Variants in APPBP2 observed in about 807,000 individuals in gnomAD.
APPBP2 encodes amyloid protein-binding protein 2.
APPBP2 carries 15 observed loss-of-function variants against 76.0 expected under a neutral mutation model. The ratio of observed to expected loss-of-function variants is 0.20; its 90% confidence interval spans 0.13 to 0.30. APPBP2 has a LOEUF of 0.30. APPBP2 is among the 10% of genes least tolerant of loss of function. The pLI is 1.00. For synonymous variants in APPBP2, 222 were observed against 242.2 expected (o/e 0.92, Z 0.77); for missense variants, 401 against 687.2 (o/e 0.58, Z 4.66).
rs960834209 is a variant in APPBP2 at position 60,516,402 on chromosome 17, G to C, written c.138+9392C>G. Among the ~76,000 whole-genome samples the C allele has an allele frequency of 2.0e-5, 3 of 152,164 alleles. No individual in the cohort carries two copies. The East Asian group carries it at 5.8e-4, about 29-fold the overall frequency. On this transcript the variant is annotated intron_variant, in intron 1 of 12. Coordinates refer to ENST00000083182, the MANE Select transcript of APPBP2 (RefSeq NM_006380.5). The stretch of plus-strand genomic sequence containing the variant: ...TTTGGATCTAACTACTTAATAAACA[G>C]AACTGTCAGGTATTTCTTTTGGCCT...
At chr17:60,489,303 ACAAAG>A (rs1276511924) in intron 3 of APPBP2, among the ~76,000 whole-genome samples, 5 of 151,148 alleles carry the variant, frequency 3.3e-5, no homozygotes, top group African/African-American at 1.2e-4. Context: ...TTTGGCTACT[ACAAAG>A]AATTATTCTA....
At chr17:60,482,050 T>C (rs987168988) in intron 3 of APPBP2, among the ~76,000 whole-genome samples, 2 of 152,060 alleles carry the variant, frequency 1.3e-5, no homozygotes, top group Non-Finnish European at 2.9e-5. Context: ...GCCCGGCTAA[T>C]TTTGTATTTT....
At chr17:60,510,894 T>G (rs1429552396) in intron 1 of APPBP2, among the ~76,000 whole-genome samples, 2 of 152,220 alleles carry the variant, frequency 1.3e-5, no homozygotes, top group Non-Finnish European at 2.9e-5. Flanking sequence ...TTAAATATGC[T>G]GTCCATTTAT....
intron 1 of APPBP2, among the ~76,000 whole-genome samples, chr17:60,506,511 C>T (rs1337861054): frequency 6.6e-6 from 1 of 152,232 alleles, no homozygotes; most frequent in African/African-American, 2.4e-5. Flanking sequence ...GAGCTCTTCC[C>T]CTGACTCAGC....
chr17:60,486,694 T>C (rs1029655269), intron 3 of APPBP2, among the ~76,000 whole-genome samples: 1 of 152,230 alleles, frequency 6.6e-6, no homozygotes, highest in African/African-American at 2.4e-5. Context: ...CCCATTTATA[T>C]TTAAGGTTAG....
At chr17:60,482,200 A>G (rs1028821602) in intron 3 of APPBP2, among the ~76,000 whole-genome samples, 6 of 152,194 alleles carry the variant, frequency 3.9e-5, no homozygotes, top group Admixed American at 2.0e-4. Context: ...CTTCGATTAA[A>G]AACTTAATTT....
At chr17:60,511,839 T>C (rs2090916021) in intron 1 of APPBP2, among the ~76,000 whole-genome samples, 2 of 151,988 alleles carry the variant, frequency 1.3e-5, no homozygotes, top group East Asian at 1.9e-4. Flanking sequence ...TGCAAGAGTT[T>C]TGAATATGCT....
intron 3 of APPBP2, among the ~76,000 whole-genome samples, chr17:60,491,906 G>A (rs2090732715): frequency 6.6e-6 from 1 of 152,192 alleles, no homozygotes; most frequent in South Asian, 2.1e-4. Context: ...CCAAGACAAT[G>A]GAGAAAATGT....
chr17:60,502,835 A>T lies in APPBP2; in HGVS notation c.139-2348T>A, dbSNP rs149010076. 2.6e-3 allele frequency among the ~76,000 whole-genome samples: 376 copies of T among 146,316 alleles called. 72 individuals carry two copies. The highest frequency in any genetic ancestry group is 0.01 in the African/African-American group (369 of 35,866). On this transcript the variant is annotated intron_variant, in intron 1 of 12. Transcript: ENST00000083182. ...CACTGCACTCCAGCCTGGGTGATGG[A>T]GCAAAACTCTGTCTCAAAAAAAACA... is the stretch of plus-strand genomic sequence containing the variant.
At chr17:60,491,106 G>A (rs2090725480) in intron 3 of APPBP2, among the ~76,000 whole-genome samples, 1 of 152,176 alleles carries the variant, frequency 6.6e-6, no homozygotes, top group Non-Finnish European at 1.5e-5. Context: ...ACAGAAAAAT[G>A]TAGGAAAAGT....
At chr17:60,488,473 G>C (rs965731581) in intron 3 of APPBP2, among the ~76,000 whole-genome samples, 22 of 152,204 alleles carry the variant, frequency 1.4e-4, no homozygotes, top group African/African-American at 5.3e-4. Flanking sequence ...AATCTATAGA[G>C]ACAGAAAGTA....
At chr17:60,451,122 T>C (rs1283148668) in intron 12 of APPBP2, among the ~76,000 whole-genome samples, 1 of 152,208 alleles carries the variant, frequency 6.6e-6, no homozygotes, top group Non-Finnish European at 1.5e-5. Flanking sequence ...ATGGCAGTGA[T>C]ACGCAACATC....
intron 2 of APPBP2, among the ~76,000 whole-genome samples, chr17:60,495,435 A>ATTT (rs2090766765): frequency 8.7e-6 from 1 of 114,312 alleles, no homozygotes; most frequent in Non-Finnish European, 1.6e-5. Flanking sequence ...TATTTTATTT[A>ATTT]TTTATTATTT....
chr17:60,483,279 G>T (rs927007447), intron 3 of APPBP2, among the ~76,000 whole-genome samples: 6 of 152,082 alleles, frequency 3.9e-5, no homozygotes, highest in Admixed American at 3.9e-4. Flanking sequence ...GGGGTTGTTT[G>T]ATTTTTTCTT....
chr17:60,515,618 CAACT>C (rs147779402), intron 1 of APPBP2, among the ~76,000 whole-genome samples: 105 of 152,318 alleles, frequency 6.9e-4, no homozygotes, highest in Non-Finnish European at 1.5e-3. Context: ...TAACTTTCAA[CAACT>C]AAATTTTGCC....
At position 60,494,629 on chromosome 17, in the gene APPBP2, G is replaced by A; in HGVS notation, c.228-12C>T. 1.3e-6 allele frequency: 2 copies of A among 1,568,226 alleles called. No individual in the cohort carries two copies. The highest frequency in any genetic ancestry group is 8.6e-7 in the Non-Finnish European group (1 of 1,167,194). ...GATGAAGCAAATGTCTGTAAGAAAA[G>A]AAAAAGATTATTTTATAGAGTTAAT... is the stretch of plus-strand genomic sequence containing the variant. On this transcript the variant is annotated splice_polypyrimidine_tract_variant and intron_variant, in intron 2 of 12. Coordinates refer to ENST00000083182, the MANE Select transcript of APPBP2 (RefSeq NM_006380.5).
At chr17:60,485,742 C>T (rs2143402062) in intron 3 of APPBP2, among the ~76,000 whole-genome samples, 1 of 152,266 alleles carries the variant, frequency 6.6e-6, no homozygotes, top group East Asian at 1.9e-4. Flanking sequence ...CTTCTGCTAG[C>T]TTTCGAACTT....
chr17:60,490,237 A>T (rs1257850860), intron 3 of APPBP2, among the ~76,000 whole-genome samples: 1 of 152,194 alleles, frequency 6.6e-6, no homozygotes, highest in Non-Finnish European at 1.5e-5. Context: ...AGTTAATGGT[A>T]TAACACCAGT....
intron 3 of APPBP2, among the ~76,000 whole-genome samples, chr17:60,493,367 A>G (rs55673021): frequency 0.078 from 11,926 of 152,262 alleles, 1,582 homozygotes; most frequent in African/African-American, 0.27. Context: ...CTTTAATAAG[A>G]AATTGCCTGA....
Sources: gnomAD v4.1 joint callset for allele counts (sites outside exome capture counted in the v4.1 genomes callset) on GRCh38, gnomAD v4.1.1 for gene constraint, MANE v1.5 for transcripts, NCBI Gene and HGNC (gene_info 2026-07-23, HGNC 2026-07-21) for gene names.